The following GNB1 variants were observed in gnomAD, a reference collection of about 807,000 sequenced individuals.
The protein encoded by GNB1 is guanine nucleotide-binding protein G(I)/G(S)/G(T) subunit beta-1.
A neutral mutation model predicts 42.9 loss-of-function variants in GNB1; 2 were observed. That is an observed-to-expected ratio of 0.05 (90% CI 0.02 to 0.15). The LOEUF (loss-of-function observed/expected upper bound fraction) is 0.15, where lower values mean the gene tolerates loss of function less well. Among genes scored for constraint, GNB1 ranks in the 10% least tolerant of loss-of-function variants. The probability of loss-of-function intolerance (pLI) is 1.00; values close to 1 mark genes in which losing one functional copy is unlikely to be tolerated. For synonymous variants in GNB1, 183 were observed against 174.7 expected (o/e 1.05, Z -0.38); for missense variants, 193 against 462.2 (o/e 0.42, Z 5.34).
chr1:1,808,478 T>C (rs988722672), intron 5 of GNB1, among the ~76,000 whole-genome samples: 1 of 152,104 alleles, frequency 6.6e-6, no homozygotes, highest in Non-Finnish European at 1.5e-5. Context: ...CACAGTTGCT[T>C]ATGAGAGGTC....
intron 1 of GNB1, among the ~76,000 whole-genome samples, chr1:1,855,713 A>AT (rs1421423887): frequency 6.6e-6 from 1 of 152,144 alleles, no homozygotes; most frequent in Non-Finnish European, 1.5e-5. Context: ...CAAAAAAAAA[A>AT]CAAAAAAAAA....
At chr1:1,838,600 G>A (rs750614138) in intron 2 of GNB1, among the ~76,000 whole-genome samples, 21 of 151,432 alleles carry the variant, frequency 1.4e-4, no homozygotes, top group Admixed American at 7.3e-4. Flanking sequence ...GCCCACCACC[G>A]CACCCGGCTA....
At chr1:1,870,752 G>A (rs559822359) in intron 1 of GNB1, among the ~76,000 whole-genome samples, 5 of 151,978 alleles carry the variant, frequency 3.3e-5, no homozygotes, top group Non-Finnish European at 7.4e-5. Context: ...CTGACCAACA[G>A]GGTGAAACCC....
At chr1:1,857,903 G>A (rs1416601932) in intron 1 of GNB1, among the ~76,000 whole-genome samples, 2 of 152,010 alleles carry the variant, frequency 1.3e-5, no homozygotes, top group African/African-American at 2.4e-5. Flanking sequence ...ACAACATACC[G>A]TAATAAAAGT....
At chr1:1,840,752 A>G (rs1246780518) in intron 1 of GNB1, among the ~76,000 whole-genome samples, 1 of 152,252 alleles carries the variant, frequency 6.6e-6, no homozygotes, top group Non-Finnish European at 1.5e-5. Context: ...GGTCCCATCC[A>G]GTGCCTGGCC....
At chr1:1,794,217 C>T (rs1646517920) in intron 7 of GNB1, 1 of 152,192 alleles carries the variant, frequency 6.6e-6, no homozygotes, top group South Asian at 2.1e-4. Context: ...GCAATATCCA[C>T]ACATGATGAC....
chr1:1,889,373 T>C (rs927444228), intron 1 of GNB1, among the ~76,000 whole-genome samples: 2 of 152,162 alleles, frequency 1.3e-5, no homozygotes, highest in East Asian at 1.9e-4. Flanking sequence ...AAGAAAACCA[T>C]AGGTTACCAT....
At chr1:1,810,088 A>G (rs994758391) in intron 5 of GNB1, among the ~76,000 whole-genome samples, 4 of 151,784 alleles carry the variant, frequency 2.6e-5, no homozygotes, top group Non-Finnish European at 5.9e-5. Flanking sequence ...ATATATATAT[A>G]TTTTTTGAGA....
chr1:1,835,320 T>C (rs369942359), intron 2 of GNB1, among the ~76,000 whole-genome samples: 4 of 152,182 alleles, frequency 2.6e-5, no homozygotes, highest in African/African-American at 7.2e-5. Flanking sequence ...TGGCCTCCAG[T>C]AGGTTTCCTA....
chr1:1,889,262 TAATA>T (rs1650330828), intron 1 of GNB1, among the ~76,000 whole-genome samples: 1 of 151,276 alleles, frequency 6.6e-6, no homozygotes, highest in Non-Finnish European at 1.5e-5. Context: ...TTTTCTTAAT[TAATA>T]ATCTCACCAG....
At chr1:1,799,491 G>A (rs1313998834) in intron 7 of GNB1, among the ~76,000 whole-genome samples, 1 of 152,146 alleles carries the variant, frequency 6.6e-6, no homozygotes, top group Non-Finnish European at 1.5e-5. Flanking sequence ...TGAACATAGA[G>A]AACACCTTTC....
chr1:1,841,999 A>C (rs888652324), intron 1 of GNB1, among the ~76,000 whole-genome samples: 3 of 152,262 alleles, frequency 2.0e-5, no homozygotes, highest in African/African-American at 7.2e-5. Flanking sequence ...AAACAATTGA[A>C]TATTATTCAG....
At chr1:1,863,759 G>A (rs187076193) in intron 1 of GNB1, among the ~76,000 whole-genome samples, 89 of 152,292 alleles carry the variant, frequency 5.8e-4, no homozygotes, top group Non-Finnish European at 9.3e-4. Flanking sequence ...ATTTAAGTTG[G>A]AAAAATTCAG....
intron 6 of GNB1, 43 bp downstream of exon 6, chr1:1,806,432 T>G: frequency 1.7e-6 from 2 of 1,168,332 alleles, no homozygotes; most frequent in East Asian, 2.3e-5. Flanking sequence ...AAACCCTGTT[T>G]CCTGGGTTGG....
At chr1:1,840,332 G>A (rs1400593247) in intron 1 of GNB1, among the ~76,000 whole-genome samples, 1 of 151,978 alleles carries the variant, frequency 6.6e-6, no homozygotes, top group East Asian at 1.9e-4. Context: ...TTCGAGACCA[G>A]CCTGGCCAAT....
intron 1 of GNB1, among the ~76,000 whole-genome samples, chr1:1,887,960 T>C (rs1238467457): frequency 6.6e-6 from 1 of 152,222 alleles, no homozygotes. Flanking sequence ...CACACTATTC[T>C]GCAGTCTCTT....
chr1:1,834,440 G>C (rs980458055), intron 2 of GNB1, among the ~76,000 whole-genome samples: 1 of 152,118 alleles, frequency 6.6e-6, no homozygotes, highest in African/African-American at 2.4e-5. Context: ...ACAAAATCTA[G>C]CACATACTAG....
chr1:1,828,189 T>C (rs1260992316), intron 2 of GNB1, among the ~76,000 whole-genome samples: 2 of 151,922 alleles, frequency 1.3e-5, no homozygotes, highest in African/African-American at 4.8e-5. Context: ...GGCGTGGTGG[T>C]GTGTGCCTGT....
At chr1:1,822,380 T>C (rs373820428) in intron 3 of GNB1, among the ~76,000 whole-genome samples, 1 of 150,896 alleles carries the variant, frequency 6.6e-6, no homozygotes, top group East Asian at 2.0e-4. Flanking sequence ...CTCGCCTCAC[T>C]GCAAGCTCCG....
Sources: gnomAD v4.1 joint callset for allele counts (sites outside exome capture counted in the v4.1 genomes callset) on GRCh38, gnomAD v4.1.1 for gene constraint, MANE v1.5 for transcripts, NCBI Gene and HGNC (gene_info 2026-07-23, HGNC 2026-07-21) for gene names.